Variants in RYR2 observed in about 807,000 individuals in gnomAD.
RYR2 encodes cardiac muscle ryanodine receptor-calcium release channel.
In RYR2, 227 loss-of-function variants were observed where a neutral mutation model predicts 601.1. The observed-to-expected ratio is 0.38, with a 90% CI of 0.34 to 0.42. RYR2 has a LOEUF of 0.42. RYR2 is among the 10% of genes least tolerant of loss of function. The pLI, the probability that RYR2 is intolerant of heterozygous loss-of-function variation, is 1.00. For synonymous variants in RYR2, 2,223 were observed against 2,175.1 expected (o/e 1.02, Z -0.61); for missense variants, 4,646 against 6,156.5 (o/e 0.75, Z 8.21).
At chr1:237,768,639 T>C (rs993947123) in intron 84 of RYR2, among the ~76,000 whole-genome samples, 26 of 152,214 alleles carry the variant, frequency 1.7e-4, no homozygotes, top group Admixed American at 1.6e-3. Flanking sequence ...AGTTTCCATC[T>C]TACAATGGAA....
intron 1 of RYR2, among the ~76,000 whole-genome samples, chr1:237,258,254 T>TGTGTATGTGGTATG (rs981957007): frequency 4.6e-5 from 7 of 151,514 alleles, no homozygotes; most frequent in Admixed American, 2.0e-4. Flanking sequence ...TGTGGTTGGA[T>TGTGTATGTGGTATG]TGTAGCAAGC....
intron 2 of RYR2, among the ~76,000 whole-genome samples, chr1:237,278,935 T>C (rs1690572595): frequency 1.3e-5 from 2 of 152,222 alleles, no homozygotes; most frequent in South Asian, 4.1e-4. Context: ...CTAATGTTCC[T>C]TTGATAATAT....
chr1:237,135,718 C>T (rs886548632), intron 1 of RYR2, among the ~76,000 whole-genome samples: 3 of 152,166 alleles, frequency 2.0e-5, no homozygotes, highest in Admixed American at 2.0e-4. Flanking sequence ...AATGAGTTTT[C>T]ACTTGTAGCT....
chr1:237,301,462 T>A (rs1693344251), intron 2 of RYR2, among the ~76,000 whole-genome samples: 1 of 152,200 alleles, frequency 6.6e-6, no homozygotes, highest in East Asian at 1.9e-4. Flanking sequence ...AAAGTGTTTG[T>A]CCTTACAATT....
At chr1:237,549,835 A>G (rs781074808) in intron 26 of RYR2, among the ~76,000 whole-genome samples, 14 of 152,036 alleles carry the variant, frequency 9.2e-5, no homozygotes, top group South Asian at 6.2e-4. Context: ...CACTTGTAGG[A>G]GTAGATGCAT....
chr1:237,759,302 G>T (rs1261889312), intron 82 of RYR2, among the ~76,000 whole-genome samples: 1 of 152,008 alleles, frequency 6.6e-6, no homozygotes, highest in Non-Finnish European at 1.5e-5. Flanking sequence ...TGGTCAGGCT[G>T]GTCTCAAACT....
chr1:237,621,311 A>G (rs1244970902), intron 38 of RYR2, among the ~76,000 whole-genome samples: 1 of 152,178 alleles, frequency 6.6e-6, no homozygotes, highest in East Asian at 1.9e-4. Flanking sequence ...AAAAAGCGGA[A>G]ACCACTCAGA....
intron 100 of RYR2, among the ~76,000 whole-genome samples, chr1:237,813,824 A>G (rs1017086420): frequency 1.3e-5 from 2 of 152,134 alleles, no homozygotes; most frequent in Non-Finnish European, 2.9e-5. Flanking sequence ...GTAGGTTTTT[A>G]TATCTCTACA....
intron 2 of RYR2, among the ~76,000 whole-genome samples, chr1:237,326,838 A>G (rs1284575814): frequency 6.6e-6 from 1 of 152,160 alleles, no homozygotes; most frequent in Non-Finnish European, 1.5e-5. Context: ...ATTAGGAGTC[A>G]TTTTGGTTCG....
At chr1:237,204,438 T>C (rs1406500878) in intron 1 of RYR2, among the ~76,000 whole-genome samples, 1 of 152,152 alleles carries the variant, frequency 6.6e-6, no homozygotes, top group South Asian at 2.1e-4. Flanking sequence ...ACTGTTGTTG[T>C]TGTTTTTTGA....
chr1:237,151,113 A>G (rs547908062), intron 1 of RYR2, among the ~76,000 whole-genome samples: 1 of 152,276 alleles, frequency 6.6e-6, no homozygotes, highest in East Asian at 1.9e-4. Flanking sequence ...CTGTTAGGAA[A>G]ATAGTTTTAG....
At chr1:237,689,945 A>G (rs1686790374) in intron 63 of RYR2, among the ~76,000 whole-genome samples, 1 of 151,904 alleles carries the variant, frequency 6.6e-6, no homozygotes, top group Non-Finnish European at 1.5e-5. Context: ...CCCAGGTTCA[A>G]GCAATTTTCC....
At chr1:237,636,608 G>C (rs1241401267) in intron 44 of RYR2, among the ~76,000 whole-genome samples, 1 of 152,222 alleles carries the variant, frequency 6.6e-6, no homozygotes, top group Non-Finnish European at 1.5e-5. Context: ...GTGGAAAGCA[G>C]TTTGGCAGTT....
At position 237,590,538 on chromosome 1, in the gene RYR2, C is replaced by G. The variant is rs188952099; in HGVS notation, c.3808-102C>G. 5.1e-4 allele frequency: 437 copies of G among 854,142 alleles called. 1 individual carries two copies. In the African/African-American group the frequency reaches 6.7e-3, roughly 13 times the overall value. The allele number at this position is 854,142 out of a possible 1,614,324, so 52.9% of individuals were successfully genotyped here. A position where few individuals can be genotyped will look rare whatever the true frequency, so the allele number is the denominator to read the frequency against. ...TTACAAAATGATGCCATGTGTGGAC[C>G]GCATTTGGGATTCTGAAAACGTGAT... On this transcript the variant is annotated intron_variant, in intron 30 of 104. Transcript: ENST00000366574.
intron 64 of RYR2, 142 bp from the exon 65 acceptor site, chr1:237,700,087 A>C (rs1174019984): frequency 5.0e-6 from 3 of 605,728 alleles, no homozygotes; most frequent in Non-Finnish European, 5.9e-6. Context: ...TATTGAAAAA[A>C]TTTGTTTTAG....
chr1:237,325,674 C>T (rs1696097330), intron 2 of RYR2, among the ~76,000 whole-genome samples: 1 of 151,526 alleles, frequency 6.6e-6, no homozygotes, highest in Admixed American at 6.6e-5. Flanking sequence ...GGTAACAGGG[C>T]CAGACTCTGT....
intron 1 of RYR2, among the ~76,000 whole-genome samples, chr1:237,057,407 G>C (rs147448422): frequency 6.6e-6 from 1 of 152,016 alleles, no homozygotes; most frequent in Admixed American, 6.5e-5. Flanking sequence ...GGATGGTCTC[G>C]ATCTCCTGAC....
intron 3 of RYR2, among the ~76,000 whole-genome samples, chr1:237,331,388 GA>G (rs1466738670): frequency 6.6e-5 from 10 of 152,266 alleles, no homozygotes; most frequent in Non-Finnish European, 8.8e-5. Flanking sequence ...CTTTTTCATG[GA>G]AAGTAAAATT....
intron 1 of RYR2, among the ~76,000 whole-genome samples, chr1:237,048,208 C>T (rs1008913544): frequency 6.6e-5 from 10 of 152,204 alleles, no homozygotes; most frequent in Non-Finnish European, 8.8e-5. Context: ...AGTCTGAGGC[C>T]GGAATCCACC....
Sources: gnomAD v4.1 joint callset for allele counts (sites outside exome capture counted in the v4.1 genomes callset) on GRCh38, gnomAD v4.1.1 for gene constraint, MANE v1.5 for transcripts, NCBI Gene and HGNC (gene_info 2026-07-23, HGNC 2026-07-21) for gene names.